The following AUTS2 variants were observed in gnomAD, a reference collection of about 807,000 sequenced individuals.
AUTS2 encodes the protein activator of transcription and developmental regulator AUTS2, also known as autism susceptibility gene 2 protein.
AUTS2 carries 17 observed loss-of-function variants against 112.4 expected under a neutral mutation model. The ratio of observed to expected loss-of-function variants is 0.15; its 90% CI spans 0.10 to 0.23. The LOEUF (loss-of-function observed/expected upper bound fraction) is 0.23. Ranked by LOEUF, AUTS2 falls within the 10% of genes least tolerant of loss-of-function variation. The pLI is 1.00. For missense variants in AUTS2, 1,510 were observed against 1,701.6 expected (o/e 0.89, Z 1.98); for synonymous variants, 751 against 702.7 (o/e 1.07, Z -1.09).
intron 1 of AUTS2, among the ~76,000 whole-genome samples, chr7:69,826,948 A>T (rs932525121): frequency 3.3e-5 from 5 of 152,144 alleles, no homozygotes; most frequent in African/African-American, 1.2e-4. Context: ...AACATTGTTT[A>T]TCTGTGAAGG....
At chr7:70,096,919 A>C (rs562945805) in intron 2 of AUTS2, among the ~76,000 whole-genome samples, 9 of 152,324 alleles carry the variant, frequency 5.9e-5, no homozygotes, top group South Asian at 2.1e-4. Context: ...ATGATCCTTG[A>C]AAAGTGATAT....
intron 1 of AUTS2, among the ~76,000 whole-genome samples, chr7:69,711,683 A>G (rs1584114059): frequency 1.3e-5 from 2 of 152,316 alleles, no homozygotes; most frequent in South Asian, 2.1e-4. Context: ...TCGTAAAAAT[A>G]GAGGGAAAAT....
intron 2 of AUTS2, among the ~76,000 whole-genome samples, chr7:69,905,144 T>TGA (rs918125822): frequency 6.6e-6 from 1 of 152,228 alleles, no homozygotes; most frequent in African/African-American, 2.4e-5. Context: ...TTTGTTGCTG[T>TGA]GAGCCCTGAA....
At chr7:70,005,005 A>G (rs1010027054) in intron 2 of AUTS2, among the ~76,000 whole-genome samples, 20 of 151,818 alleles carry the variant, frequency 1.3e-4, no homozygotes, top group Non-Finnish European at 1.0e-4. Context: ...TTGTATTTTT[A>G]GTAGAGATGG....
Position 70,744,485 on chromosome 7 carries a change from TA to T in AUTS2, c.743-18381del, listed in dbSNP as rs375707535. ...CCTTCAGTTCTGCTTTAGTCAGGAC[TA>T]AAAGCCTTCCACAGTGCCTTGACGA... is the stretch of plus-strand genomic sequence containing the variant. On this transcript the variant is annotated intron_variant, in intron 6 of 18. Transcript: ENST00000342771. Among the ~76,000 whole-genome samples the T allele has an allele frequency of 2.7e-4, 41 of 152,282 alleles. 1 individual carries two copies. In the South Asian group the frequency reaches 7.9e-3, roughly 29 times the overall value.
In AUTS2 at chr7:70,069,711, T is replaced by TG. The variant is rs541451049; in HGVS notation, c.523-48421_523-48420insG. On this transcript the variant is annotated intron_variant, in intron 2 of 18. Coordinates refer to ENST00000342771, the MANE Select transcript of AUTS2 (RefSeq NM_015570.4). The stretch of plus-strand genomic sequence containing the variant: ...ATCAAAGGCCATGGTTTTTTTTGTT[T>TG]TTTTTTTTTTCCTGTCCAGAGACAC... Among the ~76,000 whole-genome samples, 186 of 151,282 alleles carry TG rather than the reference T, an allele frequency of 1.2e-3. 1 individual carries two copies. Among genetic ancestry groups the TG allele is most frequent in the African/African-American group, 4.2e-3 (174 of 41,346 alleles).
chr7:69,710,884 C>T (rs1317139037), intron 1 of AUTS2, among the ~76,000 whole-genome samples: 3 of 152,166 alleles, frequency 2.0e-5, no homozygotes, highest in Admixed American at 6.5e-5. Flanking sequence ...CCCACCATCT[C>T]AGAGACAGAT....
At chr7:69,653,997 A>C (rs754415409) in intron 1 of AUTS2, among the ~76,000 whole-genome samples, 7 of 152,208 alleles carry the variant, frequency 4.6e-5, no homozygotes, top group Non-Finnish European at 7.3e-5. Context: ...TGGATCAGTT[A>C]GGGGAAATTT....
chr7:69,836,298 G>A (rs181646301), intron 1 of AUTS2, among the ~76,000 whole-genome samples: 2 of 152,246 alleles, frequency 1.3e-5, no homozygotes, highest in East Asian at 1.9e-4. Flanking sequence ...AATAGGAATT[G>A]CCCTCTGCCT....
chr7:70,223,337 G>A (rs549329117), intron 4 of AUTS2, among the ~76,000 whole-genome samples: 1 of 152,308 alleles, frequency 6.6e-6, no homozygotes, highest in South Asian at 2.1e-4. Context: ...ACAGCCATGT[G>A]CCGTATAGTG....
chr7:70,308,113 G>C (rs1054222542), intron 4 of AUTS2, among the ~76,000 whole-genome samples: 1 of 152,206 alleles, frequency 6.6e-6, no homozygotes, highest in Admixed American at 6.5e-5. Flanking sequence ...ATCTTGCCAA[G>C]CTTTGGTGGT....
intron 4 of AUTS2, among the ~76,000 whole-genome samples, chr7:70,257,343 A>G (rs766357402): frequency 2.4e-4 from 37 of 152,046 alleles, no homozygotes; most frequent in Non-Finnish European, 4.9e-4. Flanking sequence ...TTTGAGACAG[A>G]GTCTTGCTCT....
intron 2 of AUTS2, among the ~76,000 whole-genome samples, chr7:70,071,964 A>G (rs1436786917): frequency 7.4e-6 from 1 of 135,500 alleles, no homozygotes; most frequent in Non-Finnish European, 1.6e-5. Context: ...AAAGCTTGGC[A>G]GGTCTCTAAT....
chr7:70,014,178 G>C (rs1007241932), intron 2 of AUTS2, among the ~76,000 whole-genome samples: 1 of 152,284 alleles, frequency 6.6e-6, no homozygotes, highest in African/African-American at 2.4e-5. Context: ...TGAGGCTCTA[G>C]TTAGATACTG....
chr7:69,841,215 T>C (rs1040921271), intron 1 of AUTS2, among the ~76,000 whole-genome samples: 7 of 152,142 alleles, frequency 4.6e-5, no homozygotes, highest in Admixed American at 3.9e-4. Flanking sequence ...CTGAGTAATT[T>C]ATAAGGAAAA....
chr7:69,996,946 T>TAAAACAAAAAAAAAAAAA (rs1798970724), intron 2 of AUTS2, among the ~76,000 whole-genome samples: 1 of 99,034 alleles, frequency 1.0e-5, no homozygotes, highest in African/African-American at 4.2e-5. Flanking sequence ...CTGGAACACT[T>TAAAACAAAAAAAAAAAAA]AAAAAAAAAA....
chr7:70,714,016 T>A (rs904769393), intron 6 of AUTS2, among the ~76,000 whole-genome samples: 2 of 152,068 alleles, frequency 1.3e-5, no homozygotes, highest in Non-Finnish European at 2.9e-5. Flanking sequence ...ATGTTTCCAG[T>A]CCCCTAAGAG....
chr7:70,176,324 T>G (rs550347095), intron 4 of AUTS2, among the ~76,000 whole-genome samples: 1 of 152,352 alleles, frequency 6.6e-6, no homozygotes, highest in Non-Finnish European at 1.5e-5. Context: ...AATCACTTAA[T>G]AATTACTTCA....
intron 2 of AUTS2, among the ~76,000 whole-genome samples, chr7:70,074,291 T>G (rs1802922204): frequency 6.6e-6 from 1 of 152,152 alleles, no homozygotes; most frequent in African/African-American, 2.4e-5. Context: ...GCTAGAAACT[T>G]TTCGATATCT....
Sources: allele counts gnomAD v4.1 joint callset (sites outside exome capture counted in the v4.1 genomes callset), GRCh38; gene constraint gnomAD v4.1.1; transcripts MANE v1.5; gene names NCBI Gene and HGNC (gene_info 2026-07-23, HGNC 2026-07-21).